Variants in MS4A14 observed in about 807,000 individuals in gnomAD.
The protein encoded by MS4A14 is membrane spanning 4-domains A14.
A neutral mutation model predicts 16.7 loss-of-function variants in MS4A14; 18 were observed. That is an observed-to-expected ratio of 1.08 (90% CI 0.75 to 1.60). The LOEUF (loss-of-function observed/expected upper bound fraction) is 1.60, where lower values mean the gene tolerates loss of function less well. MS4A14 is among the 40% of genes most tolerant of loss of function. MS4A14 has a pLI of 0.00. For synonymous variants in MS4A14, 305 were observed against 289.4 expected, an observed-to-expected ratio of 1.05 and a Z score of -0.55; for missense variants, 812 against 775.3, an observed-to-expected ratio of 1.05 and a Z score of -0.56.
chr11:60,399,279 G>A (rs2085675556), intron 2 of MS4A14, among the ~76,000 whole-genome samples: 1 of 152,320 alleles, frequency 6.6e-6, no homozygotes, highest in Non-Finnish European at 1.5e-5. Flanking sequence ...CCTGACCATG[G>A]AGGTCAGGCA....
intron 4 of MS4A14, among the ~76,000 whole-genome samples, chr11:60,413,436 A>G (rs879420958): frequency 1.1e-4 from 16 of 151,956 alleles, no homozygotes; most frequent in Admixed American, 9.2e-4. Context: ...ACCCTTAAAT[A>G]TGATGTTTTT....
chr11:60,416,832 C>T lies in MS4A14; in HGVS notation c.1864C>T (p.Gln622Ter), dbSNP rs906845951. ...QEKKSPKGQFQNVQAEGQQAQ... is the reference protein window; with the variant it reads ...QEKKSPKGQF ...GAAGAAATCCCCGAAAGGACAATTC[C>T]AAAATGTTCAAGCCGAAGGACAGCA... Residue 622 changes from glutamine to a stop codon, truncating the protein, a stop_gained, in exon 5 of 5, where the codon CAA becomes TAA. Coordinates refer to ENST00000300187, the MANE Select transcript of MS4A14 (RefSeq NM_032597.5). LOFTEE classifies it low-confidence loss of function (END_TRUNC). 2 of 1,613,512 alleles carry T rather than the reference C, an allele frequency of 1.2e-6. No individual in the cohort carries two copies. Among genetic ancestry groups the T allele is most frequent in the Non-Finnish European group, 1.7e-6 (2 of 1,179,810 alleles).
At position 60,415,777 on chromosome 11, in the gene MS4A14, C is replaced by A; in HGVS notation, c.809C>A (p.Thr270Lys). Residue 270 changes from threonine (T) to lysine (K), a missense_variant, in exon 5 of 5, where the codon ACA becomes AAA. Thr to Lys is a moderately conservative substitution (Grantham distance 78). Coordinates refer to ENST00000300187, the MANE Select transcript of MS4A14 (RefSeq NM_032597.5). Reference sequence around the variant, plus strand: ...AATATGTCCATTCAGCTAGACTCTACATTTAAACAAATGAAAGATGAAGAT... The same window carrying A: ...AATATGTCCATTCAGCTAGACTCTAAATTTAAACAAATGAAAGATGAAGAT... ...SENMSIQLDSTFKQMKDEDLQ... is the reference protein window; with the variant it reads ...SENMSIQLDSKFKQMKDEDLQ... 6.2e-7 allele frequency: 1 copy of A among 1,613,872 alleles called. No homozygotes were observed. The highest frequency in any genetic ancestry group is 8.5e-7 in the Non-Finnish European group (1 of 1,179,896).
chr11:60,401,156 T>C (rs2135126435), intron 3 of MS4A14, among the ~76,000 whole-genome samples: 1 of 152,288 alleles, frequency 6.6e-6, no homozygotes, highest in South Asian at 2.1e-4. Flanking sequence ...TAATGAGACA[T>C]TACTGATAAA....
At chr11:60,397,539 G>A (rs1027786176) in intron 1 of MS4A14, among the ~76,000 whole-genome samples, 3 of 152,122 alleles carry the variant, frequency 2.0e-5, no homozygotes, top group Non-Finnish European at 2.9e-5. Context: ...TGCTCAAGAA[G>A]CTTATAATCT....
intron 4 of MS4A14, among the ~76,000 whole-genome samples, chr11:60,406,802 G>T (rs1039899667): frequency 1.3e-5 from 2 of 152,054 alleles, no homozygotes; most frequent in Admixed American, 6.5e-5. Context: ...GAACCCCTTT[G>T]TAGTCAATGT....
At chr11:60,410,854 GTT>G in intron 4 of MS4A14, among the ~76,000 whole-genome samples, 1 of 151,274 alleles carries the variant, frequency 6.6e-6, no homozygotes, top group Admixed American at 6.6e-5. Context: ...TTTGTTTTTT[GTT>G]TTTTGTTTTG....
chr11:60,401,972 G>A (rs187406797), intron 3 of MS4A14, among the ~76,000 whole-genome samples: 218 of 152,296 alleles, frequency 1.4e-3, no homozygotes, highest in Non-Finnish European at 2.3e-3. Context: ...CTGTGTAAAG[G>A]CATCATTGTA....
rs80173276 is a variant in MS4A14, at chr11:60,416,609, C to T, written c.1641C>T (p.Ser547=). The T allele has an allele frequency of 8.4e-4, 1,348 of 1,613,842 alleles. 8 individuals are homozygous for T. In the African/African-American group the frequency reaches 0.016, roughly 19 times the overall value. ...ACTGGCTATCCCCAAAGAGGCACTC[C>T]GTAGATAAGCAAGCTCAACTTAATC... ...IKDWLSPKRH[S]VDKQAQLNQT... Residue 547 remains serine (S), a synonymous_variant, in exon 5 of 5, where the codon TCC becomes TCT. Transcript: ENST00000300187.
intron 4 of MS4A14, among the ~76,000 whole-genome samples, chr11:60,408,459 C>T (rs562544981): frequency 6.6e-6 from 1 of 152,260 alleles, no homozygotes; most frequent in South Asian, 2.1e-4. Context: ...ACAATCACTC[C>T]CCGATTCCCC....
intron 4 of MS4A14, among the ~76,000 whole-genome samples, chr11:60,413,482 G>A (rs561689774): frequency 7.9e-5 from 12 of 151,876 alleles, no homozygotes; most frequent in East Asian, 3.9e-4. Flanking sequence ...ACCCTGTTGC[G>A]CAGATTTTTT....
chr11:60,399,227 G>A (rs2085674391), intron 2 of MS4A14, among the ~76,000 whole-genome samples: 1 of 152,202 alleles, frequency 6.6e-6, no homozygotes, highest in African/African-American at 2.4e-5. Context: ...TGCTCTAAGA[G>A]GAGAGTTCCA....
At chr11:60,412,294 T>C (rs1373361448) in intron 4 of MS4A14, among the ~76,000 whole-genome samples, 4 of 151,618 alleles carry the variant, frequency 2.6e-5, no homozygotes, top group Non-Finnish European at 4.4e-5. Flanking sequence ...TTCAGAAGAG[T>C]TTGAGAATAA....
rs997263119 is a variant in MS4A14, at chr11:60,402,263, C to A, written c.319-649C>A. Among the ~76,000 whole-genome samples the A allele has an allele frequency of 6.6e-5, 10 of 152,048 alleles. No homozygotes were observed. The East Asian group carries it at 1.9e-3, about 29-fold the overall frequency. On this transcript the variant is annotated intron_variant, in intron 3 of 4. Transcript: ENST00000300187. ...CAACAATGAGTTCAAGAAAAAACAC[C>A]TTTAAACTCCAGTCCAAATAGGTTA... is the stretch of plus-strand genomic sequence containing the variant.
chr11:60,404,084 C>A (rs1044409135), intron 4 of MS4A14, among the ~76,000 whole-genome samples: 1 of 152,180 alleles, frequency 6.6e-6, no homozygotes, highest in African/African-American at 2.4e-5. Flanking sequence ...CATTATAATT[C>A]TTGGCCATTG....
At chr11:60,404,493 C>A (rs932050925) in intron 4 of MS4A14, 1 of 453,708 alleles carries the variant, frequency 2.2e-6, no homozygotes, top group Non-Finnish European at 4.4e-6. Flanking sequence ...ATCTTAACAG[C>A]CTTACCAAAC....
At chr11:60,407,739 GT>G (rs1183606223) in intron 4 of MS4A14, among the ~76,000 whole-genome samples, 2 of 152,022 alleles carry the variant, frequency 1.3e-5, no homozygotes, top group Non-Finnish European at 2.9e-5. Flanking sequence ...TGAGATGTCT[GT>G]TCAAATATTT....
At chr11:60,398,937 T>C (rs1043286442) in intron 2 of MS4A14, among the ~76,000 whole-genome samples, 2 of 152,202 alleles carry the variant, frequency 1.3e-5, no homozygotes, top group African/African-American at 4.8e-5. Context: ...AACAGAATTG[T>C]CCCAGTGTGA....
At chr11:60,400,727 C>T (rs1373064) in intron 3 of MS4A14, among the ~76,000 whole-genome samples, 91,100 of 151,890 alleles carry the variant, frequency 0.6, 27,825 homozygotes, top group Middle Eastern at 0.76. Flanking sequence ...GGGTAATTCC[C>T]TGCCCTGCAC....
Sources: gnomAD v4.1 joint callset for allele counts (sites outside exome capture counted in the v4.1 genomes callset) on GRCh38, gnomAD v4.1.1 for gene constraint, MANE v1.5 for transcripts, NCBI Gene and HGNC (gene_info 2026-07-23, HGNC 2026-07-21) for gene names.